The following GRIK2 variants were observed in gnomAD, a reference collection of about 807,000 sequenced individuals.
The protein encoded by GRIK2 is glutamate ionotropic receptor kainate type subunit 2, also known as glutamate receptor ionotropic, kainate 2.
Under a neutral mutation model 100.3 loss-of-function variants are expected in GRIK2, and 32 were observed. The observed-to-expected ratio is 0.32, with a 90% CI of 0.24 to 0.43. The LOEUF (loss-of-function observed/expected upper bound fraction) is 0.43, where lower values mean the gene tolerates loss of function less well. Ranked by LOEUF, GRIK2 falls within the 20% of genes least tolerant of loss-of-function variation. The pLI, the probability that GRIK2 is intolerant of heterozygous loss-of-function variation, is 1.00. For missense variants in GRIK2, 843 were observed against 1,114.9 expected (o/e 0.76, Z 3.47); for synonymous variants, 417 against 389.4 (o/e 1.07, Z -0.83).
At chr6:101,914,285 C>T (rs1053425176) in intron 12 of GRIK2, among the ~76,000 whole-genome samples, 3 of 151,188 alleles carry the variant, frequency 2.0e-5, no homozygotes, top group African/African-American at 7.3e-5. Flanking sequence ...TGAATATAGA[C>T]AGGTTGTCAG....
At chr6:101,908,927 G>A (rs1019565181) in intron 12 of GRIK2, among the ~76,000 whole-genome samples, 62 of 151,264 alleles carry the variant, frequency 4.1e-4, no homozygotes, top group African/African-American at 1.4e-3. Flanking sequence ...GGCACTGAGT[G>A]GTTGAAAGAC....
At chr6:101,445,806 T>A (rs1253752440) in intron 2 of GRIK2, among the ~76,000 whole-genome samples, 1 of 152,096 alleles carries the variant, frequency 6.6e-6, no homozygotes, top group African/African-American at 2.4e-5. Context: ...TTTCCTTTCA[T>A]GGCACACATA....
At chr6:101,776,398 ATAAT>A (rs1366110202) in intron 7 of GRIK2, among the ~76,000 whole-genome samples, 2 of 152,192 alleles carry the variant, frequency 1.3e-5, no homozygotes, top group East Asian at 3.8e-4. Flanking sequence ...TAAAGAGTAA[ATAAT>A]TATGCAGAGA....
At chr6:101,689,199 A>G (rs1771919147) in intron 7 of GRIK2, among the ~76,000 whole-genome samples, 1 of 152,098 alleles carries the variant, frequency 6.6e-6, no homozygotes, top group African/African-American at 2.4e-5. Context: ...ATAGCCTGGC[A>G]TTGTGGCATT....
At chr6:102,048,844 A>G (rs1771031083) in intron 15 of GRIK2, among the ~76,000 whole-genome samples, 1 of 152,100 alleles carries the variant, frequency 6.6e-6, no homozygotes, top group Non-Finnish European at 1.5e-5. Context: ...TATAATTACA[A>G]TATCTGAATA....
chr6:101,520,817 C>A (rs184063294), intron 2 of GRIK2, among the ~76,000 whole-genome samples: 1 of 152,000 alleles, frequency 6.6e-6, no homozygotes, highest in African/African-American at 2.4e-5. Context: ...GATTGCAGTG[C>A]CATGATGCAG....
chr6:101,633,033 G>A (rs1780837759), intron 4 of GRIK2, among the ~76,000 whole-genome samples: 2 of 152,100 alleles, frequency 1.3e-5, no homozygotes, highest in African/African-American at 2.4e-5. Context: ...GAAATTGCAA[G>A]CACTTCATTA....
At chr6:101,656,297 C>T (rs1238554832) in intron 4 of GRIK2, among the ~76,000 whole-genome samples, 1 of 143,210 alleles carries the variant, frequency 7.0e-6, no homozygotes, top group Non-Finnish European at 1.5e-5. Context: ...GAGAGAGACT[C>T]CATCCAAAAA....
chr6:101,822,908 A>G (rs1447104622), intron 10 of GRIK2, among the ~76,000 whole-genome samples: 1 of 152,098 alleles, frequency 6.6e-6, no homozygotes, highest in Non-Finnish European at 1.5e-5. Context: ...AAATATAGAA[A>G]AGGCTAACAC....
chr6:101,983,489 A>G (rs1793836454), intron 14 of GRIK2, among the ~76,000 whole-genome samples: 1 of 151,812 alleles, frequency 6.6e-6, no homozygotes, highest in Admixed American at 6.6e-5. Context: ...GTGTAACTGC[A>G]AACCTAGAGT....
At chr6:101,586,008 A>G (rs1478897756) in intron 2 of GRIK2, among the ~76,000 whole-genome samples, 1 of 152,034 alleles carries the variant, frequency 6.6e-6, no homozygotes, top group Admixed American at 6.6e-5. Flanking sequence ...GAAAAGAGGG[A>G]GATTAAAGCC....
chr6:101,795,413 G>A (rs1195445105), intron 7 of GRIK2, among the ~76,000 whole-genome samples: 3 of 152,180 alleles, frequency 2.0e-5, no homozygotes, highest in Admixed American at 2.0e-4. Flanking sequence ...CTGAGGCCCA[G>A]TGGTGTTATC....
chr6:101,893,800 T>C (rs904455583), intron 12 of GRIK2, among the ~76,000 whole-genome samples: 1 of 151,702 alleles, frequency 6.6e-6, no homozygotes, highest in African/African-American at 2.4e-5. Flanking sequence ...GCCAAATGCT[T>C]GAATCCCAGA....
At chr6:102,034,817 T>G (rs1427894240) in intron 14 of GRIK2, among the ~76,000 whole-genome samples, 3 of 151,430 alleles carry the variant, frequency 2.0e-5, no homozygotes, top group African/African-American at 7.3e-5. Context: ...ATTCTGCTCG[T>G]CTCTTCAACC....
chr6:101,486,187 A>C (rs1183864891), intron 2 of GRIK2, among the ~76,000 whole-genome samples: 1 of 152,038 alleles, frequency 6.6e-6, no homozygotes, highest in African/African-American at 2.4e-5. Flanking sequence ...AGAACAACTT[A>C]AGTAAAATAA....
At chr6:101,499,624 A>G (rs1773646153) in intron 2 of GRIK2, among the ~76,000 whole-genome samples, 2 of 152,042 alleles carry the variant, frequency 1.3e-5, no homozygotes, top group African/African-American at 4.8e-5. Context: ...CTAATTTGTA[A>G]TAGTTAACAT....
intron 4 of GRIK2, among the ~76,000 whole-genome samples, chr6:101,663,006 G>T (rs1769743789): frequency 6.6e-6 from 1 of 151,952 alleles, no homozygotes; most frequent in Non-Finnish European, 1.5e-5. Flanking sequence ...TATTATTTCT[G>T]GGACAAGAAG....
intron 15 of GRIK2, among the ~76,000 whole-genome samples, chr6:102,043,056 C>A (rs909760693): frequency 6.6e-6 from 1 of 151,488 alleles, no homozygotes; most frequent in African/African-American, 2.4e-5. Flanking sequence ...ATTTTATATG[C>A]CATATATAAG....
chr6:102,047,826 A>G (rs1023554946), intron 15 of GRIK2, among the ~76,000 whole-genome samples: 32 of 152,052 alleles, frequency 2.1e-4, no homozygotes, highest in African/African-American at 7.2e-4. Context: ...TTAAACTTTC[A>G]TTGTAATTTC....
Sources: allele counts gnomAD v4.1 joint callset (sites outside exome capture counted in the v4.1 genomes callset), GRCh38; gene constraint gnomAD v4.1.1; transcripts MANE v1.5; gene names NCBI Gene and HGNC (gene_info 2026-07-23, HGNC 2026-07-21).